Variants in ERC2 observed in about 807,000 individuals in gnomAD.
ERC2 encodes ELKS/RAB6-interacting/CAST family member 2.
In ERC2, 42 loss-of-function variants were observed where a neutral mutation model predicts 114.8. The observed-to-expected ratio is 0.37, with a 90% CI of 0.29 to 0.47. ERC2 has a LOEUF of 0.47. Ranked by LOEUF, ERC2 falls within the 20% of genes least tolerant of loss-of-function variation. The pLI is 0.99. For missense variants in ERC2, 939 were observed against 1,150.7 expected, an observed-to-expected ratio of 0.82 and a Z score of 2.66; for synonymous variants, 454 against 425.5, an observed-to-expected ratio of 1.07 and a Z score of -0.82.
chr3:56,196,141 A>G (rs1285525073), intron 3 of ERC2, among the ~76,000 whole-genome samples: 1 of 152,042 alleles, frequency 6.6e-6, no homozygotes, highest in Non-Finnish European at 1.5e-5. Flanking sequence ...GGCTGCATCC[A>G]CCACCTCCCC....
intron 14 of ERC2, among the ~76,000 whole-genome samples, chr3:55,825,154 T>A (rs148845962): frequency 1.3e-5 from 2 of 152,200 alleles, no homozygotes; most frequent in African/African-American, 4.8e-5. Context: ...CTTCCTTGTG[T>A]CTTCATTTCA....
chr3:55,997,908 G>GTTTTTTTTTTTTTTTTTTT (rs1559996794), intron 10 of ERC2, among the ~76,000 whole-genome samples: 1 of 18,378 alleles, frequency 5.4e-5, no homozygotes, highest in African/African-American at 1.9e-4. Flanking sequence ...TTTTTTTTTT[G>GTTTTTTTTTTTTTTTTTTT]TGTGTGTGTG....
intron 12 of ERC2, among the ~76,000 whole-genome samples, chr3:55,967,257 T>C (rs1274236215): frequency 6.6e-6 from 1 of 152,334 alleles, no homozygotes; most frequent in East Asian, 1.9e-4. Context: ...TCATATTGTA[T>C]AGATGGATTT....
At chr3:56,239,715 C>T (rs73082442) in intron 3 of ERC2, among the ~76,000 whole-genome samples, 12,012 of 152,212 alleles carry the variant, frequency 0.079, 644 homozygotes, top group Middle Eastern at 0.12. Context: ...GTGCTTACTA[C>T]GCGCACTGCT....
chr3:56,160,425 TTG>T (rs2149987169), intron 4 of ERC2, among the ~76,000 whole-genome samples: 1 of 152,252 alleles, frequency 6.6e-6, no homozygotes, highest in Non-Finnish European at 1.5e-5. Context: ...ATTCTGTAGA[TTG>T]TTTGTTTCCT....
chr3:55,808,369 T>G (rs1327986820), intron 14 of ERC2, among the ~76,000 whole-genome samples: 3 of 152,136 alleles, frequency 2.0e-5, no homozygotes, highest in Non-Finnish European at 4.4e-5. Context: ...CAGGCAGATC[T>G]TTTTCCAAAA....
intron 16 of ERC2, among the ~76,000 whole-genome samples, chr3:55,688,683 C>T (rs1423170364): frequency 2.0e-5 from 3 of 152,094 alleles, no homozygotes; most frequent in South Asian, 2.1e-4. Context: ...AAGCTATTTA[C>T]GTGGACATAT....
chr3:56,222,864 T>C (rs1386618845), intron 3 of ERC2, among the ~76,000 whole-genome samples: 4 of 152,224 alleles, frequency 2.6e-5, no homozygotes, highest in Admixed American at 6.5e-5. Flanking sequence ...AGGAGACCTC[T>C]AGACAGACTC....
intron 3 of ERC2, among the ~76,000 whole-genome samples, chr3:56,263,364 A>C (rs550740106): frequency 2.0e-4 from 31 of 151,854 alleles, no homozygotes; most frequent in African/African-American, 7.0e-4. Flanking sequence ...TGAAATTAAA[A>C]AAAAAAAAAA....
intron 17 of ERC2, among the ~76,000 whole-genome samples, chr3:55,585,428 G>A (rs1268249370): frequency 2.0e-5 from 3 of 152,080 alleles, no homozygotes; most frequent in Admixed American, 1.3e-4. Flanking sequence ...CCCCCAATAA[G>A]CAACCTGTCA....
At chr3:55,984,915 T>A (rs936450845) in intron 12 of ERC2, among the ~76,000 whole-genome samples, 6 of 152,204 alleles carry the variant, frequency 3.9e-5, no homozygotes, top group African/African-American at 7.2e-5. Context: ...AGACATGCCT[T>A]GTTTTGAAAT....
intron 17 of ERC2, among the ~76,000 whole-genome samples, chr3:55,584,111 C>T (rs1056782282): frequency 2.0e-5 from 3 of 152,162 alleles, no homozygotes; most frequent in Non-Finnish European, 4.4e-5. Context: ...CACACTCAGT[C>T]GATGACCACT....
chr3:56,455,352 T>C (rs1354244373), intron 1 of ERC2, among the ~76,000 whole-genome samples: 1 of 152,234 alleles, frequency 6.6e-6, no homozygotes, highest in Non-Finnish European at 1.5e-5. Context: ...GCAGGTGTTT[T>C]ACACTATCTC....
rs535963740 is a variant in ERC2 at position 56,460,937 on chromosome 3, G to A, written c.-141+7311C>T. Among the ~76,000 whole-genome samples the A allele has an allele frequency of 2.0e-3, 291 of 146,124 alleles. 1 individual carries two copies. Among genetic ancestry groups the A allele is most frequent in the African/African-American group, 6.1e-3 (241 of 39,460 alleles). ...AGATCAAGACCATCCTGGCTAACACGGTGAAACCCCGTCTCTACTAAAAAT... is the reference window on the plus strand; with the variant it reads ...AGATCAAGACCATCCTGGCTAACACAGTGAAACCCCGTCTCTACTAAAAAT... On this transcript the variant is annotated intron_variant, in intron 1 of 17. Transcript: ENST00000288221.
chr3:55,630,606 A>T (rs2059713636), intron 17 of ERC2, among the ~76,000 whole-genome samples: 2 of 152,236 alleles, frequency 1.3e-5, no homozygotes, highest in Admixed American at 1.3e-4. Flanking sequence ...GCAAGAAACC[A>T]GGTCCTTCTG....
In ERC2 at chr3:55,835,494, A is replaced by G. The variant is rs574958408; in HGVS notation, c.2564+52895T>C. Among the ~76,000 whole-genome samples, 539 of 152,338 alleles carry G rather than the reference A, an allele frequency of 3.5e-3. 6 individuals are homozygous for G. Among genetic ancestry groups the G allele is most frequent in the African/African-American group, 0.012 (506 of 41,566 alleles). On this transcript the variant is annotated intron_variant, in intron 14 of 17. Transcript: ENST00000288221. The stretch of plus-strand genomic sequence containing the variant: ...ATCCAGCATATAAACAGAACCAAAG[A>G]CAAAAACCACATGATTATCTCAATA...
intron 17 of ERC2, among the ~76,000 whole-genome samples, chr3:55,633,258 T>C (rs1221967418): frequency 6.6e-6 from 1 of 152,218 alleles, no homozygotes; most frequent in Non-Finnish European, 1.5e-5. Flanking sequence ...AAAGAGTACC[T>C]GACATAGAGA....
chr3:55,753,275 G>A (rs1356373417), intron 14 of ERC2, among the ~76,000 whole-genome samples: 1 of 152,116 alleles, frequency 6.6e-6, no homozygotes, highest in African/African-American at 2.4e-5. Flanking sequence ...CAGAAAACAG[G>A]GGTAACATAG....
chr3:55,588,347 C>T (rs558872422), intron 17 of ERC2, among the ~76,000 whole-genome samples: 58 of 152,178 alleles, frequency 3.8e-4, no homozygotes, highest in African/African-American at 1.3e-3. Flanking sequence ...ATCAGTTACA[C>T]GAGCCATTTG....
Sources: allele counts gnomAD v4.1 joint callset (sites outside exome capture counted in the v4.1 genomes callset), GRCh38; gene constraint gnomAD v4.1.1; transcripts MANE v1.5; gene names NCBI Gene and HGNC (gene_info 2026-07-23, HGNC 2026-07-21).